Variants in MECOM observed in about 807,000 individuals in gnomAD.
MECOM encodes MDS1 and EVI1 complex locus, also known as histone-lysine N-methyltransferase MECOM.
In MECOM, 13 loss-of-function variants were observed where a neutral mutation model predicts 116.3. That is an observed-to-expected ratio of 0.11 (90% CI 0.07 to 0.18). The LOEUF (loss-of-function observed/expected upper bound fraction) is 0.18. Among genes scored for constraint, MECOM ranks in the 10% least tolerant of loss-of-function variants. The probability of loss-of-function intolerance (pLI) is 1.00; values close to 1 mark genes in which losing one functional copy is unlikely to be tolerated. For missense variants in MECOM, 1,299 were observed against 1,509.0 expected (o/e 0.86, Z 2.31); for synonymous variants, 528 against 535.2 (o/e 0.99, Z 0.19).
intron 2 of MECOM, among the ~76,000 whole-genome samples, chr3:169,224,618 G>T (rs1048036644): frequency 1.3e-5 from 2 of 152,218 alleles, no homozygotes; most frequent in Non-Finnish European, 2.9e-5. Context: ...TGGCCATTGG[G>T]GATGGGAAGA....
chr3:169,275,014 A>G, intron 2 of MECOM, among the ~76,000 whole-genome samples: 1 of 152,196 alleles, frequency 6.6e-6, no homozygotes, highest in East Asian at 1.9e-4. Context: ...GAAGGGAAAA[A>G]ATCTCTTCCA....
intron 2 of MECOM, among the ~76,000 whole-genome samples, chr3:169,348,478 A>T (rs935304813): frequency 6.6e-6 from 1 of 151,966 alleles, no homozygotes; most frequent in Non-Finnish European, 1.5e-5. Flanking sequence ...AGCCTTAACT[A>T]TGAGATTTCC....
At chr3:169,656,083 C>A (rs552822274) in intron 1 of MECOM, among the ~76,000 whole-genome samples, 1 of 152,168 alleles carries the variant, frequency 6.6e-6, no homozygotes, top group Admixed American at 6.5e-5. Flanking sequence ...ATGGTTTGCC[C>A]GTGCACAGGG....
chr3:169,387,304 G>A (rs1026859237), intron 1 of MECOM, among the ~76,000 whole-genome samples: 1 of 152,182 alleles, frequency 6.6e-6, no homozygotes, highest in Non-Finnish European at 1.5e-5. Context: ...GTGAACGGCA[G>A]GCTAGAAAAA....
At chr3:169,335,063 G>A (rs1723374915) in intron 2 of MECOM, among the ~76,000 whole-genome samples, 3 of 152,102 alleles carry the variant, frequency 2.0e-5, no homozygotes, top group African/African-American at 7.2e-5. Flanking sequence ...TATACAAAAC[G>A]CAGTTCATTT....
intron 2 of MECOM, among the ~76,000 whole-genome samples, chr3:169,280,035 A>T (rs1394592291): frequency 6.6e-6 from 1 of 152,182 alleles, no homozygotes; most frequent in Non-Finnish European, 1.5e-5. Context: ...ACAGAAGCAG[A>T]GGAGAGAAAT....
rs113765736 is a variant in MECOM, at chr3:169,537,718, T to A, written c.37+125618A>T. ...GATATAGTACATGCAGCAGAACATTTAAAAAAAAAAAAAAACTTACCCAAG... is the reference window on the plus strand; with the variant it reads ...GATATAGTACATGCAGCAGAACATTAAAAAAAAAAAAAAAACTTACCCAAG... On this transcript the variant is annotated intron_variant, in intron 1 of 16. Coordinates refer to ENST00000651503, the MANE Select transcript of MECOM (RefSeq NM_004991.4). Among the ~76,000 whole-genome samples, 51 of 142,678 alleles carry A rather than the reference T, an allele frequency of 3.6e-4. 1 individual carries two copies. Among genetic ancestry groups the A allele is most frequent in the African/African-American group, 1.0e-3 (40 of 38,992 alleles). 93.6% of individuals were successfully genotyped at this position (142,678 alleles called of 152,430 possible).
chr3:169,539,280 G>A lies in MECOM; in HGVS notation c.37+124056C>T, dbSNP rs796627413. 5.9e-5 allele frequency among the ~76,000 whole-genome samples: 9 copies of A among 152,230 alleles called. 1 individual carries two copies. Among genetic ancestry groups the A allele is most frequent in the African/African-American group, 2.2e-4 (9 of 41,534 alleles). On this transcript the variant is annotated intron_variant, in intron 1 of 16. Coordinates refer to ENST00000651503, the MANE Select transcript of MECOM (RefSeq NM_004991.4). ...AGAGGCCTATGATTCATTTGCCTGT[G>A]TATCCTCAAAAGATTTTATTAATAC...
intron 1 of MECOM, among the ~76,000 whole-genome samples, chr3:169,438,778 T>A (rs1743130940): frequency 1.3e-5 from 2 of 152,194 alleles, no homozygotes; most frequent in African/African-American, 2.4e-5. Context: ...CAGTGTTCGA[T>A]CCAATCATTT....
At chr3:169,592,756 A>G (rs1766582070) in intron 1 of MECOM, among the ~76,000 whole-genome samples, 1 of 152,186 alleles carries the variant, frequency 6.6e-6, no homozygotes, top group South Asian at 2.1e-4. Flanking sequence ...CTCCATCTCA[A>G]TTAGGGCACT....
intron 1 of MECOM, among the ~76,000 whole-genome samples, chr3:169,412,392 T>G (rs1414627078): frequency 6.6e-6 from 1 of 152,128 alleles, no homozygotes; most frequent in Non-Finnish European, 1.5e-5. Context: ...ATCTTACTCT[T>G]GAAAATCCAT....
intron 1 of MECOM, among the ~76,000 whole-genome samples, chr3:169,638,559 T>C (rs1405399686): frequency 1.3e-5 from 2 of 152,224 alleles, no homozygotes; most frequent in East Asian, 3.8e-4. Context: ...TATAATTTTC[T>C]GAAATTATTT....
chr3:169,412,334 TAATTA>T (rs1218057653), intron 1 of MECOM, among the ~76,000 whole-genome samples: 2 of 151,616 alleles, frequency 1.3e-5, no homozygotes, highest in Non-Finnish European at 2.9e-5. Flanking sequence ...AAAAATAAAT[TAATTA>T]AAAGTTTTTT....
At chr3:169,296,481 A>G (rs1715625925) in intron 2 of MECOM, among the ~76,000 whole-genome samples, 1 of 152,200 alleles carries the variant, frequency 6.6e-6, no homozygotes, top group Non-Finnish European at 1.5e-5. Context: ...TTTGCCAGCA[A>G]GATTACATCC....
At chr3:169,197,339 T>TAAATA (rs56353314) in intron 2 of MECOM, among the ~76,000 whole-genome samples, 24 of 148,144 alleles carry the variant, frequency 1.6e-4, no homozygotes, top group South Asian at 8.6e-4. Flanking sequence ...AATAAATAAA[T>TAAATA]AAATAAAATA....
At chr3:169,482,336 T>TTTTTCTTTTTTTC (rs1751431765) in intron 1 of MECOM, among the ~76,000 whole-genome samples, 1 of 143,870 alleles carries the variant, frequency 7.0e-6, no homozygotes, top group African/African-American at 2.7e-5. Context: ...TTCTTTTTTT[T>TTTTTCTTTTTTTC]TTTTTTTTTT....
At chr3:169,167,475 A>G (rs1329564339) in intron 2 of MECOM, among the ~76,000 whole-genome samples, 1 of 152,338 alleles carries the variant, frequency 6.6e-6, no homozygotes, top group African/African-American at 2.4e-5. Context: ...GCATGATGGA[A>G]GAAAAGACAC....
chr3:169,432,904 A>T (rs1741876288), intron 1 of MECOM, among the ~76,000 whole-genome samples: 1 of 152,244 alleles, frequency 6.6e-6, no homozygotes, highest in Non-Finnish European at 1.5e-5. Context: ...TTAATTAAAT[A>T]AAGACCCGTG....
At chr3:169,386,043 T>C (rs17738112) in intron 1 of MECOM, among the ~76,000 whole-genome samples, 8,899 of 152,286 alleles carry the variant, frequency 0.058, 326 homozygotes, top group East Asian at 0.12. Flanking sequence ...GGGAAATTGC[T>C]CTTGGAAGTC....
Sources: allele counts gnomAD v4.1 joint callset (sites outside exome capture counted in the v4.1 genomes callset), GRCh38; gene constraint gnomAD v4.1.1; transcripts MANE v1.5; gene names NCBI Gene and HGNC (gene_info 2026-07-23, HGNC 2026-07-21).